The following NLN variants were observed in gnomAD, a reference collection of about 807,000 sequenced individuals.
NLN encodes the protein neurolysin, mitochondrial.
NLN carries 64 observed loss-of-function variants against 79.9 expected under a neutral mutation model. The ratio of observed to expected loss-of-function variants is 0.80; its 90% confidence interval spans 0.65 to 0.99. NLN has a LOEUF of 0.99. Ranked by LOEUF, NLN falls within the 50% of genes least tolerant of loss-of-function variation. NLN has a pLI of 0.00. For synonymous variants in NLN, 267 were observed against 296.6 expected (o/e 0.90, Z 1.02); for missense variants, 835 against 858.7 (o/e 0.97, Z 0.34).
chr5:65,758,843 A>C lies in NLN; in HGVS notation c.301+17A>C. The C allele has an allele frequency of 6.3e-7, 1 of 1,596,906 alleles. No individual in the cohort carries two copies. The highest frequency in any genetic ancestry group is 1.1e-5 in the South Asian group (1 of 89,958). ...AGTATATAGGTGGGTCAGATGCAGA[A>C]GCATATCAGTGTTTCACTTTGTGGA... On this transcript the variant is annotated intron_variant, in intron 2 of 12. Transcript: ENST00000380985.
chr5:65,793,995 G>A lies in NLN; in HGVS notation c.1527+1340G>A, dbSNP rs73101585. ...ACAGAGAATCTTCTTAAATCCATAC[G>A]GTGTCCTCACTGAATATAAATAGAA... On this transcript the variant is annotated intron_variant, in intron 9 of 12. Coordinates refer to ENST00000380985, the MANE Select transcript of NLN (RefSeq NM_020726.5). Among the ~76,000 whole-genome samples, 826 of 152,172 alleles carry A rather than the reference G, an allele frequency of 5.4e-3. 10 individuals carry two copies. Among genetic ancestry groups the A allele is most frequent in the African/African-American group, 0.019 (783 of 41,508 alleles).
At chr5:65,774,503 A>G (rs918218724) in intron 3 of NLN, among the ~76,000 whole-genome samples, 1 of 152,122 alleles carries the variant, frequency 6.6e-6, no homozygotes. Context: ...GGAGATTGTA[A>G]GAGAATATTA....
At chr5:65,813,031 G>A (rs553156384) in intron 12 of NLN, among the ~76,000 whole-genome samples, 5 of 152,274 alleles carry the variant, frequency 3.3e-5, no homozygotes, top group African/African-American at 4.8e-5. Context: ...ATTTTCCAAT[G>A]TATGTTTTTA....
intron 9 of NLN, among the ~76,000 whole-genome samples, chr5:65,808,206 CA>C (rs1485409029): frequency 6.6e-6 from 1 of 152,130 alleles, no homozygotes; most frequent in Non-Finnish European, 1.5e-5. Context: ...TCAAGCAAAA[CA>C]TTTTTTTGCA....
chr5:65,759,583 T>G (rs1409120231), intron 2 of NLN, among the ~76,000 whole-genome samples: 1 of 152,086 alleles, frequency 6.6e-6, no homozygotes, highest in Non-Finnish European at 1.5e-5. Flanking sequence ...CCAGCTCCAG[T>G]CCGAAGGCCA....
At chr5:65,739,057 T>TATA (rs1360571787) in intron 1 of NLN, among the ~76,000 whole-genome samples, 1 of 143,586 alleles carries the variant, frequency 7.0e-6, no homozygotes. Context: ...TATATATAAA[T>TATA]TAGCCTGGCT....
Position 65,828,371 on chromosome 5 carries a change from G to A in NLN, c.*5456G>A. On this transcript the variant is annotated 3_prime_UTR_variant, in exon 13 of 13. Transcript: ENST00000380985. ...ATTTTAAGCAGACTTTGGCCAAGTAGTACAGTGTTTGCAGGAGCAGTAACA... is the reference window on the plus strand; with the variant it reads ...ATTTTAAGCAGACTTTGGCCAAGTAATACAGTGTTTGCAGGAGCAGTAACA... 6.6e-6 allele frequency: 1 copy of A among 152,342 alleles called. No homozygotes were observed. Among genetic ancestry groups the A allele is most frequent in the South Asian group, 2.1e-4 (1 of 4,824 alleles). The allele number at this position is 152,342 out of a possible 1,614,324, so 9.4% of individuals were successfully genotyped here.
At chr5:65,734,326 T>A (rs1298057549) in intron 1 of NLN, among the ~76,000 whole-genome samples, 5 of 137,524 alleles carry the variant, frequency 3.6e-5, no homozygotes, top group African/African-American at 8.3e-5. Flanking sequence ...AAGCACACGG[T>A]CATGTGTTTC....
chr5:65,788,114 A>G lies in NLN; in HGVS notation c.959-4A>G, dbSNP rs746192546. ...AGATCACTAACTTTTCCTTTTCCTTACAGATGATTTAAGCCAGAAGTTAAA... is the reference window on the plus strand; with the variant it reads ...AGATCACTAACTTTTCCTTTTCCTTGCAGATGATTTAAGCCAGAAGTTAAA... On this transcript the variant is annotated splice_region_variant and splice_polypyrimidine_tract_variant and intron_variant, in intron 7 of 12. Coordinates refer to ENST00000380985, the MANE Select transcript of NLN (RefSeq NM_020726.5). The G allele has an allele frequency of 5.6e-6, 9 of 1,608,722 alleles. No homozygotes were observed. In the South Asian group the frequency reaches 8.8e-5, roughly 16 times the overall value.
intron 3 of NLN, among the ~76,000 whole-genome samples, chr5:65,765,137 C>T (rs1463272761): frequency 6.6e-6 from 1 of 152,076 alleles, no homozygotes; most frequent in African/African-American, 2.4e-5. Flanking sequence ...AATCCCAGCA[C>T]TTTGTGAGGC....
chr5:65,790,712 T>TA (rs1387349732), intron 8 of NLN, among the ~76,000 whole-genome samples: 4 of 152,368 alleles, frequency 2.6e-5, no homozygotes, highest in African/African-American at 9.6e-5. Context: ...TTTATGGACT[T>TA]ACTTTCACTA....
chr5:65,817,474 G>C (rs1425446593), intron 12 of NLN, among the ~76,000 whole-genome samples: 1 of 152,152 alleles, frequency 6.6e-6, no homozygotes, highest in African/African-American at 2.4e-5. Context: ...TGAAATAATG[G>C]GGGCATTTTA....
chr5:65,789,697 G>T (rs933750318), intron 8 of NLN, among the ~76,000 whole-genome samples: 3 of 152,168 alleles, frequency 2.0e-5, no homozygotes, highest in Non-Finnish European at 4.4e-5. Context: ...CCCTGGAACT[G>T]AGATCACGCC....
intron 1 of NLN, among the ~76,000 whole-genome samples, chr5:65,744,663 C>G (rs1409472149): frequency 6.6e-6 from 1 of 152,118 alleles, no homozygotes; most frequent in Non-Finnish European, 1.5e-5. Flanking sequence ...CTTTGGGAGG[C>G]CGAGGCGGGT....
chr5:65,778,806 T>C (rs932216668), intron 4 of NLN, among the ~76,000 whole-genome samples: 2 of 152,092 alleles, frequency 1.3e-5, no homozygotes, highest in Non-Finnish European at 2.9e-5. Flanking sequence ...GCTATAAATC[T>C]AAAAACTCCA....
intron 1 of NLN, among the ~76,000 whole-genome samples, chr5:65,751,714 A>G (rs1759106387): frequency 1.3e-5 from 2 of 152,232 alleles, no homozygotes; most frequent in East Asian, 1.9e-4. Context: ...AATATTTTAC[A>G]AAAGTCTCAA....
At chr5:65,795,959 C>A (rs1042709701) in intron 9 of NLN, among the ~76,000 whole-genome samples, 39 of 152,154 alleles carry the variant, frequency 2.6e-4, no homozygotes, top group African/African-American at 8.4e-4. Context: ...TGGATGCTCA[C>A]ATTTTTGGAT....
At chr5:65,741,716 T>C (rs137917548) in intron 1 of NLN, among the ~76,000 whole-genome samples, 2 of 152,322 alleles carry the variant, frequency 1.3e-5, no homozygotes, top group African/African-American at 4.8e-5. Flanking sequence ...TTTCCATGTA[T>C]GTGGATAGTC....
chr5:65,765,165 T>C (rs1332186193), intron 3 of NLN, among the ~76,000 whole-genome samples: 11 of 151,898 alleles, frequency 7.2e-5, no homozygotes, highest in Non-Finnish European at 8.8e-5. Context: ...GGCAGATCAC[T>C]TGAGCTCGGG....
Sources: gnomAD v4.1 joint callset for allele counts (sites outside exome capture counted in the v4.1 genomes callset) on GRCh38, gnomAD v4.1.1 for gene constraint, MANE v1.5 for transcripts, NCBI Gene and HGNC (gene_info 2026-07-23, HGNC 2026-07-21) for gene names.